The following HDGFL3 variants were observed in gnomAD, a reference collection of about 807,000 sequenced individuals.
HDGFL3 encodes the protein HDGF like 3.
In HDGFL3, 6 loss-of-function variants were observed where a neutral mutation model predicts 27.6. The observed-to-expected ratio is 0.22, with a 90% CI of 0.12 to 0.43. The LOEUF is 0.43. HDGFL3 is among the 20% of genes least tolerant of loss of function. The pLI, the probability that HDGFL3 is intolerant of heterozygous loss-of-function variation, is 1.00. For missense variants in HDGFL3, 207 were observed against 250.1 expected, an observed-to-expected ratio of 0.83 and a Z score of 1.16; for synonymous variants, 88 against 88.9, an observed-to-expected ratio of 0.99 and a Z score of 0.05.
intron 1 of HDGFL3, among the ~76,000 whole-genome samples, chr15:83,188,288 CTG>C (rs1211732918): frequency 6.6e-6 from 1 of 152,166 alleles, no homozygotes; most frequent in Non-Finnish European, 1.5e-5. Context: ...GGGTTTCACT[CTG>C]TCGCCCAGGC....
At position 83,131,720 on chromosome 15, in the gene HDGFL3, C is replaced by A. The variant is rs1401654409; in HGVS notation, c.*7550G>T. ...TGCCAAATCTGCTGCCTTCAGAAATCAAAAGATCAAGGAAAGAGTAAAAGA... is the reference window on the plus strand; with the variant it reads ...TGCCAAATCTGCTGCCTTCAGAAATAAAAAGATCAAGGAAAGAGTAAAAGA... On this transcript the variant is annotated 3_prime_UTR_variant, in exon 6 of 6. Transcript: ENST00000299633. 6.6e-6 allele frequency: 1 copy of A among 152,146 alleles called. No homozygotes were observed. The highest frequency in any genetic ancestry group is 2.4e-5 in the African/African-American group (1 of 41,422). 9.4% of individuals were successfully genotyped at this position (152,146 alleles called of 1,614,324 possible).
intron 1 of HDGFL3, among the ~76,000 whole-genome samples, chr15:83,170,647 G>A (rs1471055105): frequency 6.6e-6 from 1 of 152,086 alleles, no homozygotes; most frequent in African/African-American, 2.4e-5. Context: ...CACCATTTTG[G>A]ACACAGGCCT....
chr15:83,121,282 AT>A (rs1369037990), intron 3 of HDGFL3, among the ~76,000 whole-genome samples: 1 of 148,310 alleles, frequency 6.7e-6, no homozygotes, highest in Non-Finnish European at 1.5e-5. Flanking sequence ...GCGTTTCACC[AT>A]GTTGGCCAGG....
rs1414446753 is a variant in HDGFL3 at position 83,153,956 on chromosome 15, T to TA, written c.460-2596dup. ...TTTCCTCTACCCAACTGGAATGTAGTAAAAAAAAGTTTGTGAGCCACTAAT... is the reference window on the plus strand; with the variant it reads ...TTTCCTCTACCCAACTGGAATGTAGTAAAAAAAAAGTTTGTGAGCCACTAAT... On this transcript the variant is annotated intron_variant, in intron 4 of 5. Coordinates refer to ENST00000299633, the MANE Select transcript of HDGFL3 (RefSeq NM_016073.4). 6.6e-5 allele frequency among the ~76,000 whole-genome samples: 10 copies of TA among 151,312 alleles called. 1 individual carries two copies. The South Asian group carries it at 1.0e-3, about 16-fold the overall frequency.
downstream of HDGFL3, chr15:83,124,713 A>G: frequency 6.2e-7 from 1 of 1,614,118 alleles, no homozygotes; most frequent in East Asian, 2.2e-5. Flanking sequence ...TGAGAAGACC[A>G]TTTGATTTAA....
intron 3 of HDGFL3, among the ~76,000 whole-genome samples, chr15:83,116,818 A>G (rs563383971): frequency 2.6e-5 from 4 of 152,302 alleles, no homozygotes; most frequent in African/African-American, 9.6e-5. Flanking sequence ...ATTGGGAGTG[A>G]TGGGAAGGAT....
downstream of HDGFL3, among the ~76,000 whole-genome samples, chr15:83,123,890 A>G (rs1041501399): frequency 6.6e-6 from 1 of 152,268 alleles, no homozygotes; most frequent in African/African-American, 2.4e-5. Flanking sequence ...ATTGTCATAC[A>G]GTGCTGACAG....
At position 83,136,658 on chromosome 15, in the gene HDGFL3, G is replaced by A. The variant is rs1207147755; in HGVS notation, c.*2612C>T. 3 of 1,591,400 alleles carry A rather than the reference G, an allele frequency of 1.9e-6. No homozygotes were observed. The highest frequency in any genetic ancestry group is 2.2e-5 in the East Asian group (1 of 44,764). ...GTTCTTCATAAAAACAAAGGCAGAA[G>A]AAAAAGTGGAATAAAAATATTACTT... is the stretch of plus-strand genomic sequence containing the variant. On this transcript the variant is annotated 3_prime_UTR_variant, in exon 6 of 6. Coordinates refer to ENST00000299633, the MANE Select transcript of HDGFL3 (RefSeq NM_016073.4).
In HDGFL3 at chr15:83,164,054, C is replaced by A. The variant is rs2037132605; in HGVS notation, c.106G>T (p.Ala36Ser). 1.2e-6 allele frequency: 2 copies of A among 1,609,400 alleles called. No individual in the cohort carries two copies. The highest frequency in any genetic ancestry group is 1.7e-6 in the Non-Finnish European group (2 of 1,178,210). ...TACTTGTTTGCTGGAGGCTTCACAG[C>A]GCCCTCTGGGAGTTCATCAATCTAT... is the stretch of plus-strand genomic sequence containing the variant. ...PARIDELPEGAVKPPANKYPI... is the reference protein window; with the variant it reads ...PARIDELPEGSVKPPANKYPI... The change falls in exon 2 of 6, where the codon GCT becomes TCT. Residue 36 changes from alanine to serine, a missense_variant. Physicochemically the swap from Ala to Ser is moderately conservative, Grantham distance 99 (BLOSUM62 1). Transcript: ENST00000299633.
chr15:83,126,793 T>C (rs758556252), downstream of HDGFL3: 12 of 1,614,070 alleles, frequency 7.4e-6, no homozygotes, highest in Middle Eastern at 1.6e-4. Context: ...GCCGATTATA[T>C]ACGCAATTTC....
chr15:83,139,318 T>C, intron 5 of HDGFL3, 43 bp from the exon 6 acceptor site: 3 of 1,286,974 alleles, frequency 2.3e-6, no homozygotes, highest in Non-Finnish European at 3.1e-6. Context: ...CTTTAGATGA[T>C]TTAGGATACT....
chr15:83,176,361 T>C (rs2037310967), intron 1 of HDGFL3, among the ~76,000 whole-genome samples: 1 of 152,206 alleles, frequency 6.6e-6, no homozygotes, highest in South Asian at 2.1e-4. Flanking sequence ...AAAATGAATA[T>C]AAGAATTTTC....
chr15:83,155,952 T>A (rs1423028226), intron 4 of HDGFL3, among the ~76,000 whole-genome samples: 5 of 152,242 alleles, frequency 3.3e-5, no homozygotes, highest in African/African-American at 1.2e-4. Context: ...ATTTCTGAAT[T>A]ACCATATGAA....
At chr15:83,144,021 C>T (rs897924764) in intron 5 of HDGFL3, among the ~76,000 whole-genome samples, 5 of 152,154 alleles carry the variant, frequency 3.3e-5, no homozygotes, top group Admixed American at 2.6e-4. Context: ...CTTACCGATA[C>T]GGCACGATTC....
rs1447410960 is a variant in HDGFL3, at chr15:83,137,655, G to A, written c.*1615C>T. 2.0e-5 allele frequency: 3 copies of A among 152,044 alleles called. No individual in the cohort carries two copies. The highest frequency in any genetic ancestry group is 2.9e-5 in the Non-Finnish European group (2 of 67,994). The allele number at this position is 152,044 out of a possible 1,614,324, so 9.4% of individuals were successfully genotyped here. On this transcript the variant is annotated 3_prime_UTR_variant, in exon 6 of 6. Transcript: ENST00000299633. ...ATGTTGAGTATACTAGAGAAAATCA[G>A]TATTCACTAAATGAAAGAAACACAC...
chr15:83,163,034 C>G (rs1431503865), intron 2 of HDGFL3, among the ~76,000 whole-genome samples: 1 of 152,170 alleles, frequency 6.6e-6, no homozygotes, highest in Non-Finnish European at 1.5e-5. Context: ...GACTGTTTCT[C>G]AGCTTCCCTT....
intron 5 of HDGFL3, among the ~76,000 whole-genome samples, chr15:83,147,095 G>A (rs1443658012): frequency 2.0e-5 from 3 of 150,222 alleles, no homozygotes; most frequent in Non-Finnish European, 4.4e-5. Context: ...ACAGAATCTC[G>A]CTCTGTCACC....
intron 1 of HDGFL3, among the ~76,000 whole-genome samples, chr15:83,170,494 G>A (rs1311012147): frequency 1.3e-5 from 2 of 152,300 alleles, no homozygotes. Flanking sequence ...GATACATGGT[G>A]CTGGGATAGC....
rs114745780 is a variant in HDGFL3 at position 83,142,879 on chromosome 15, G to A, written c.607-3604C>T. 3.1e-3 allele frequency among the ~76,000 whole-genome samples: 476 copies of A among 152,050 alleles called. 4 individuals carry two copies. The highest frequency in any genetic ancestry group is 0.011 in the African/African-American group (460 of 41,440). Reference sequence around the variant, plus strand: ...CTTTCTGCAAACTTTTCTGTGAAATGTTATTTTCATAAAAATGCTATTTAA... The same window carrying A: ...CTTTCTGCAAACTTTTCTGTGAAATATTATTTTCATAAAAATGCTATTTAA... On this transcript the variant is annotated intron_variant, in intron 5 of 5. Transcript: ENST00000299633.
Sources: allele counts gnomAD v4.1 joint callset (sites outside exome capture counted in the v4.1 genomes callset), GRCh38; gene constraint gnomAD v4.1.1; transcripts MANE v1.5; gene names NCBI Gene and HGNC (gene_info 2026-07-23, HGNC 2026-07-21).